The following ZFX variants were observed in gnomAD, a reference collection of about 807,000 sequenced individuals.
The protein encoded by ZFX is zinc finger X-chromosomal protein.
For missense variants in ZFX, 362 were observed against 628.3 expected (o/e 0.58, Z 4.53); for synonymous variants, 196 against 226.8 (o/e 0.86, Z 1.22).
intron 5 of ZFX, among the ~76,000 whole-genome samples, chrX:24,194,462 T>G (rs1390222765): frequency 9.0e-6 from 1 of 111,617 alleles, no homozygotes; most frequent in Non-Finnish European, 1.9e-5. Flanking sequence ...TTGGCATGTC[T>G]ACACTGTCCC....
intron 5 of ZFX, among the ~76,000 whole-genome samples, chrX:24,194,431 A>G (rs1033896119): frequency 2.7e-5 from 3 of 111,030 alleles, no homozygotes; most frequent in African/African-American, 9.8e-5. Context: ...CCACATCCCA[A>G]AGCTGTGCAC....
rs756137197 is a variant in ZFX, at chrX:24,178,581, G to A, written c.59-602G>A. Among the ~76,000 whole-genome samples, 4 of 98,929 alleles carry A rather than the reference G, an allele frequency of 4.0e-5. No homozygotes were observed. In the South Asian group the frequency reaches 1.7e-3, roughly 43 times the overall value. The allele number at this position is 98,929 out of a possible 115,157, so 85.9% of individuals were successfully genotyped here. ...TGGGATTACAGGACTGAGCCAGCGC[G>A]CCTGGCCTTTTTTTTTTTTTTAAAA... is the stretch of plus-strand genomic sequence containing the variant. On this transcript the variant is annotated intron_variant, in intron 4 of 9. Transcript: ENST00000304543.
At chrX:24,199,260 C>CT (rs57451356) in intron 5 of ZFX, among the ~76,000 whole-genome samples, 3,752 of 101,776 alleles carry the variant, frequency 0.037, 128 homozygotes, top group African/African-American at 0.098. Context: ...TGAAGTGAAT[C>CT]TTTTTTTTTT....
Position 24,210,505 on chromosome X carries a change from A to G in ZFX, c.1547A>G (p.Asn516Ser), listed in dbSNP as rs746503325. The G allele has an allele frequency of 6.6e-6, 8 of 1,210,328 alleles. No homozygotes were observed. The highest frequency in any genetic ancestry group is 2.2e-5 in the Admixed American group (1 of 45,755). ...ATGGTGCATAAGGAAAAAGGAGCCA[A>G]CAAAATGCACAAGTGTAAATTCTGT... ...HKMVHKEKGA[N>S]KMHKCKFCEY... is the part of the protein sequence containing the mutation. The change falls in exon 10 of 10, where the codon AAC (asparagine) becomes AGC (serine). Residue 516 changes from asparagine (N) to serine (S), a missense_variant. Physicochemically the swap from Asn to Ser is conservative, Grantham distance 46 (BLOSUM62 1). Coordinates refer to ENST00000304543, the MANE Select transcript of ZFX (RefSeq NM_003410.4).
In ZFX at chrX:24,157,105, A is replaced by C. The variant is rs776797573; in HGVS notation, c.-29+4275A>C. 3.6e-5 allele frequency among the ~76,000 whole-genome samples: 4 copies of C among 112,556 alleles called. No individual in the cohort carries two copies. The South Asian group carries it at 1.4e-3, about 41-fold the overall frequency. On this transcript the variant is annotated intron_variant, in intron 3 of 9. Coordinates refer to ENST00000304543, the MANE Select transcript of ZFX (RefSeq NM_003410.4). ...ATATTTGCCTCAAATTTATAGAATA[A>C]ATACATAGATTCATGTAGATAAATG...
chrX:24,166,318 AC>A (rs1391397036), intron 3 of ZFX, among the ~76,000 whole-genome samples: 1 of 112,542 alleles, frequency 8.9e-6, no homozygotes, highest in Non-Finnish European at 1.9e-5. Context: ...AAAAACTAAT[AC>A]AAAAACTTGG....
In ZFX at chrX:24,158,590, A is replaced by G. The variant is rs765533367; in HGVS notation, c.-29+5760A>G. 1.2e-3 allele frequency among the ~76,000 whole-genome samples: 139 copies of G among 111,637 alleles called. 1 individual carries two copies. The highest frequency in any genetic ancestry group is 1.8e-3 in the Non-Finnish European group (94 of 53,115). ...TGCTTCTAATGTTTTATCATTAAAT[A>G]TGATATTGTAGTGGGCTTTTTTGAG... On this transcript the variant is annotated intron_variant, in intron 3 of 9. Coordinates refer to ENST00000304543, the MANE Select transcript of ZFX (RefSeq NM_003410.4).
intron 5 of ZFX, among the ~76,000 whole-genome samples, chrX:24,184,807 A>T (rs908546679): frequency 2.7e-5 from 3 of 111,832 alleles, no homozygotes; most frequent in African/African-American, 9.7e-5. Context: ...TCCAAACTCA[A>T]ATAATGCAGA....
intron 5 of ZFX, among the ~76,000 whole-genome samples, chrX:24,199,932 A>AG (rs1347422046): frequency 1.8e-5 from 2 of 109,546 alleles, no homozygotes; most frequent in African/African-American, 6.6e-5. Flanking sequence ...AAAAAAAAAA[A>AG]GTTTTTGCTC....
intron 5 of ZFX, among the ~76,000 whole-genome samples, chrX:24,195,112 A>G (rs1190668583): frequency 1.8e-5 from 2 of 111,750 alleles, no homozygotes; most frequent in Non-Finnish European, 3.8e-5. Context: ...AGAACCTACC[A>G]ATGACATTAC....
chrX:24,205,953 A>T (rs773192954), intron 5 of ZFX, among the ~76,000 whole-genome samples: 38 of 110,479 alleles, frequency 3.4e-4, no homozygotes, highest in Non-Finnish European at 5.5e-4. Flanking sequence ...TTTTTTTTTT[A>T]AATTTTTTTC....
chrX:24,207,478 A>G lies in ZFX; in HGVS notation c.796+3A>G, dbSNP rs375487890. On this transcript the variant is annotated splice_donor_region_variant and intron_variant, in intron 6 of 9. Transcript: ENST00000304543. ...TGACCCTGGAGAAGATGACTTAGGT[A>G]AGAAGAAGTGTTTAGACATTATACA... The G allele has an allele frequency of 1.3e-5, 16 of 1,204,047 alleles. No homozygotes were observed. Among genetic ancestry groups the G allele is most frequent in the Non-Finnish European group, 1.7e-5 (15 of 893,646 alleles).
chrX:24,156,878 TCTC>T (rs1225877957), intron 3 of ZFX, among the ~76,000 whole-genome samples: 1 of 111,035 alleles, frequency 9.0e-6, no homozygotes, highest in African/African-American at 3.3e-5. Flanking sequence ...ATGGTCTCGA[TCTC>T]CTGACCTCAT....
intron 4 of ZFX, among the ~76,000 whole-genome samples, chrX:24,175,601 G>A (rs955512357): frequency 1.8e-5 from 2 of 110,445 alleles, no homozygotes; most frequent in African/African-American, 3.3e-5. Context: ...TTTTTGAGAT[G>A]GAGAATTGCT....
At chrX:24,206,822 T>G (rs1293502829) in intron 5 of ZFX, among the ~76,000 whole-genome samples, 1 of 111,385 alleles carries the variant, frequency 9.0e-6, no homozygotes, top group Admixed American at 9.6e-5. Context: ...CTATGTATAG[T>G]ATTTTTTGCT....
intron 3 of ZFX, among the ~76,000 whole-genome samples, chrX:24,160,177 TTAAAAATG>T (rs1933121194): frequency 9.0e-6 from 1 of 110,623 alleles, no homozygotes; most frequent in Admixed American, 9.7e-5. Context: ...ATTCTGACAT[TTAAAAATG>T]TAAGTTAGAG....
rs931796777 is a variant in ZFX at position 24,214,285 on chromosome X, G to C, written c.*2909G>C. On this transcript the variant is annotated 3_prime_UTR_variant, in exon 10 of 10. Coordinates refer to ENST00000304543, the MANE Select transcript of ZFX (RefSeq NM_003410.4). Reference sequence around the variant, plus strand: ...TTAAATATTGTATGTCCCTCCCTCTGTACACTTTGTAAAGAAAGTAAAATA... The same window carrying C: ...TTAAATATTGTATGTCCCTCCCTCTCTACACTTTGTAAAGAAAGTAAAATA... 9.0e-6 allele frequency: 1 copy of C among 111,619 alleles called. No homozygotes were observed. The highest frequency in any genetic ancestry group is 9.6e-5 in the Admixed American group (1 of 10,450). 9.2% of individuals were successfully genotyped at this position (111,619 alleles called of 1,213,427 possible). A position where few individuals can be genotyped will look rare whatever the true frequency, so the allele number is the denominator to read the frequency against.
chrX:24,173,612 G>T, intron 4 of ZFX: 4 of 1,117,261 alleles, frequency 3.6e-6, no homozygotes, highest in South Asian at 2.0e-5. Flanking sequence ...TTCAGACAGG[G>T]TCTCGTTCTG....
intron 5 of ZFX, chrX:24,207,094 G>A (rs1937628115): frequency 6.7e-6 from 2 of 300,500 alleles, no homozygotes; most frequent in East Asian, 7.0e-5. Flanking sequence ...TTAGCCGGGC[G>A]TGGTGGTAGG....
Sources: allele counts gnomAD v4.1 joint callset (sites outside exome capture counted in the v4.1 genomes callset), GRCh38; gene constraint gnomAD v4.1.1; transcripts MANE v1.5; gene names NCBI Gene and HGNC (gene_info 2026-07-23, HGNC 2026-07-21).